CAMTA1: variants seen among roughly 807,000 people sequenced by gnomAD.
CAMTA1 encodes calmodulin binding transcription activator 1.
A neutral mutation model predicts 170.9 loss-of-function variants in CAMTA1; 27 were observed. The ratio of observed to expected loss-of-function variants is 0.16; its 90% CI spans 0.12 to 0.22. The LOEUF is 0.22. Among genes scored for constraint, CAMTA1 ranks in the 10% least tolerant of loss-of-function variants. The pLI, the probability that CAMTA1 is intolerant of heterozygous loss-of-function variation, is 1.00. For missense variants in CAMTA1, 1,619 were observed against 2,217.2 expected (o/e 0.73, Z 5.42); for synonymous variants, 833 against 891.5 (o/e 0.93, Z 1.17).
intron 5 of CAMTA1, among the ~76,000 whole-genome samples, chr1:7,415,290 C>G (rs913692682): frequency 1.3e-5 from 2 of 151,130 alleles, no homozygotes; most frequent in African/African-American, 4.8e-5. Flanking sequence ...TGGTGCAGAG[C>G]TGAGTTCAAT....
intron 22 of CAMTA1, among the ~76,000 whole-genome samples, chr1:7,764,666 G>T (rs1302297583): frequency 1.3e-5 from 2 of 152,070 alleles, no homozygotes; most frequent in African/African-American, 4.8e-5. Flanking sequence ...GTATTATCAG[G>T]TTTTACTTGA....
intron 5 of CAMTA1, among the ~76,000 whole-genome samples, chr1:7,438,552 C>G (rs956631885): frequency 6.6e-6 from 1 of 152,110 alleles, no homozygotes; most frequent in African/African-American, 2.4e-5. Context: ...CCACCACTGG[C>G]CCCTGTGTCC....
intron 3 of CAMTA1, among the ~76,000 whole-genome samples, chr1:7,082,831 G>A (rs1640210492): frequency 6.6e-6 from 1 of 152,132 alleles, no homozygotes; most frequent in Admixed American, 6.5e-5. Context: ...TTCTCAGTAT[G>A]GACACATCGT....
chr1:7,406,057 A>T (rs981638285), intron 5 of CAMTA1, among the ~76,000 whole-genome samples: 1 of 152,272 alleles, frequency 6.6e-6, no homozygotes, highest in Non-Finnish European at 1.5e-5. Flanking sequence ...GGTGAGGAAC[A>T]GGGGTCCCCA....
At chr1:7,658,295 C>T (rs11585947) in intron 7 of CAMTA1, among the ~76,000 whole-genome samples, 10,723 of 152,266 alleles carry the variant, frequency 0.07, 437 homozygotes, top group Middle Eastern at 0.14. Flanking sequence ...CTTGCAGTTC[C>T]CTGCTGAGTT....
chr1:6,911,089 A>G (rs1679588134), intron 3 of CAMTA1, among the ~76,000 whole-genome samples: 1 of 152,174 alleles, frequency 6.6e-6, no homozygotes, highest in Admixed American at 6.5e-5. Flanking sequence ...CCCTGTGCCT[A>G]CCACTCCTGG....
chr1:7,638,720 T>A (rs1024947670), intron 6 of CAMTA1, among the ~76,000 whole-genome samples: 18 of 152,204 alleles, frequency 1.2e-4, no homozygotes, highest in Admixed American at 2.6e-4. Flanking sequence ...CTTATCCAGA[T>A]GCATCTAGAA....
intron 11 of CAMTA1, among the ~76,000 whole-genome samples, chr1:7,684,476 C>A (rs893287354): frequency 3.9e-5 from 6 of 152,144 alleles, no homozygotes; most frequent in African/African-American, 1.2e-4. Flanking sequence ...GAGAGCCGTG[C>A]CCCCACCAAA....
intron 1 of CAMTA1, among the ~76,000 whole-genome samples, chr1:6,798,073 T>C (rs1642964616): frequency 6.6e-6 from 1 of 151,926 alleles, no homozygotes; most frequent in Non-Finnish European, 1.5e-5. Flanking sequence ...CTTGGTTCAT[T>C]GCAACCTCCG....
At chr1:7,342,312 C>T (rs560049595) in intron 5 of CAMTA1, among the ~76,000 whole-genome samples, 1 of 152,298 alleles carries the variant, frequency 6.6e-6, no homozygotes, top group East Asian at 1.9e-4. Flanking sequence ...GATTGAGAGG[C>T]AGTCCCCCTC....
At chr1:7,357,096 C>G (rs1489879395) in intron 5 of CAMTA1, among the ~76,000 whole-genome samples, 1 of 152,226 alleles carries the variant, frequency 6.6e-6, no homozygotes, top group African/African-American at 2.4e-5. Flanking sequence ...TATGCACAGA[C>G]CCTACTGGTG....
At chr1:7,030,401 C>A (rs1462293733) in intron 3 of CAMTA1, among the ~76,000 whole-genome samples, 1 of 152,158 alleles carries the variant, frequency 6.6e-6, no homozygotes, top group Admixed American at 6.5e-5. Flanking sequence ...TATACAATAA[C>A]CCCCACCCCA....
intron 4 of CAMTA1, among the ~76,000 whole-genome samples, chr1:7,130,000 G>A (rs953559861): frequency 2.6e-5 from 4 of 151,536 alleles, no homozygotes; most frequent in East Asian, 1.9e-4. Flanking sequence ...GCAATGGTGC[G>A]ATCTTGGCTC....
chr1:7,246,468 C>T (rs1227309743), intron 4 of CAMTA1, among the ~76,000 whole-genome samples: 1 of 152,112 alleles, frequency 6.6e-6, no homozygotes, highest in Non-Finnish European at 1.5e-5. Flanking sequence ...CATGAAGCTT[C>T]TGTTATCCTG....
At chr1:7,704,530 C>T (rs2149545279) in intron 11 of CAMTA1, among the ~76,000 whole-genome samples, 1 of 148,146 alleles carries the variant, frequency 6.8e-6, no homozygotes, top group Non-Finnish European at 1.5e-5. Context: ...CCCCCGCCGT[C>T]CAGCGCGGCT....
At chr1:6,844,755 C>T (rs1199207308) in intron 3 of CAMTA1, among the ~76,000 whole-genome samples, 1 of 138,954 alleles carries the variant, frequency 7.2e-6, no homozygotes, top group East Asian at 2.1e-4. Flanking sequence ...GATTATTGAA[C>T]AGCAGTGAGA....
intron 7 of CAMTA1, among the ~76,000 whole-genome samples, chr1:7,649,888 C>T (rs1429924640): frequency 1.3e-5 from 2 of 152,342 alleles, no homozygotes; most frequent in East Asian, 3.9e-4. Flanking sequence ...GGGAGTGGTT[C>T]TGTCAAAGTT....
intron 3 of CAMTA1, among the ~76,000 whole-genome samples, chr1:6,892,981 A>T (rs1057407786): frequency 5.5e-5 from 8 of 145,644 alleles, no homozygotes; most frequent in African/African-American, 1.8e-4. Context: ...AAGAACTGTT[A>T]AAAAAAAAAA....
chr1:7,535,476 C>G lies in CAMTA1; in HGVS notation c.510+67575C>G, dbSNP rs968385147. On this transcript the variant is annotated intron_variant, in intron 6 of 22. Coordinates refer to ENST00000303635, the MANE Select transcript of CAMTA1 (RefSeq NM_015215.4). Reference sequence around the variant, plus strand: ...GGTCCTAAAGTAAAACTTGGAGGGGCTCTGGGACGTCTGGGCTGCGAGCAT... The same window carrying G: ...GGTCCTAAAGTAAAACTTGGAGGGGGTCTGGGACGTCTGGGCTGCGAGCAT... 3.9e-5 allele frequency among the ~76,000 whole-genome samples: 6 copies of G among 152,306 alleles called. No homozygotes were observed. The East Asian group carries it at 1.2e-3, about 29-fold the overall frequency.
Sources: allele counts gnomAD v4.1 joint callset (sites outside exome capture counted in the v4.1 genomes callset), GRCh38; gene constraint gnomAD v4.1.1; transcripts MANE v1.5; gene names NCBI Gene and HGNC (gene_info 2026-07-23, HGNC 2026-07-21).